BMERB1: variants seen among roughly 807,000 people sequenced by gnomAD.
BMERB1 encodes the protein bMERB domain containing 1.
A neutral mutation model predicts 23.6 loss-of-function variants in BMERB1; 12 were observed. The observed-to-expected ratio is 0.51, with a 90% CI of 0.33 to 0.82. BMERB1 has a LOEUF of 0.82. Ranked by LOEUF, BMERB1 falls within the 40% of genes least tolerant of loss-of-function variation. BMERB1 has a pLI of 0.03. For missense variants in BMERB1, 247 were observed against 255.4 expected, an observed-to-expected ratio of 0.97 and a Z score of 0.22; for synonymous variants, 122 against 96.6, an observed-to-expected ratio of 1.26 and a Z score of -1.54.
chr16:15,565,714 C>T (rs962061717), intron 2 of BMERB1, among the ~76,000 whole-genome samples: 1 of 152,100 alleles, frequency 6.6e-6, no homozygotes, highest in South Asian at 2.1e-4. Flanking sequence ...AAAGTATGAG[C>T]TGGGCATGAT....
intron 1 of BMERB1, among the ~76,000 whole-genome samples, chr16:15,440,612 C>G (rs1933203060): frequency 6.6e-6 from 1 of 151,862 alleles, no homozygotes; most frequent in African/African-American, 2.4e-5. Context: ...AATACATGTA[C>G]TTTATAAAAA....
At chr16:15,573,771 C>T (rs911756618) in intron 3 of BMERB1, among the ~76,000 whole-genome samples, 6 of 151,918 alleles carry the variant, frequency 3.9e-5, no homozygotes, top group African/African-American at 1.5e-4. Context: ...CAAGAACTGC[C>T]CAAGACTGGG....
chr16:15,551,722 AG>A (rs1313150827), intron 2 of BMERB1, among the ~76,000 whole-genome samples: 3 of 152,176 alleles, frequency 2.0e-5, no homozygotes, highest in Non-Finnish European at 4.4e-5. Context: ...AAAGGAAAGA[AG>A]TTTAATTGAC....
intron 2 of BMERB1, among the ~76,000 whole-genome samples, chr16:15,526,819 G>A (rs763587745): frequency 4.0e-4 from 60 of 150,708 alleles, no homozygotes; most frequent in Non-Finnish European, 8.0e-4. Context: ...ACACGGGGCC[G>A]TCTAAAAGTC....
intron 1 of BMERB1, among the ~76,000 whole-genome samples, chr16:15,461,923 C>A (rs1356824498): frequency 6.6e-6 from 1 of 151,782 alleles, no homozygotes; most frequent in African/African-American, 2.4e-5. Flanking sequence ...AACAGGAAGA[C>A]CCTGTTTCAC....
chr16:15,546,717 C>G (rs1298073834), intron 2 of BMERB1, among the ~76,000 whole-genome samples: 1 of 152,172 alleles, frequency 6.6e-6, no homozygotes, highest in African/African-American at 2.4e-5. Flanking sequence ...TCCTCTGAAG[C>G]CTCAGTAAAT....
intron 1 of BMERB1, among the ~76,000 whole-genome samples, chr16:15,455,826 A>G (rs989331857): frequency 6.6e-6 from 1 of 152,148 alleles, no homozygotes; most frequent in African/African-American, 2.4e-5. Context: ...AAAACAGTCT[A>G]CAGTAGCAAG....
chr16:15,503,320 TGCCCAGG>T (rs1203127081), intron 1 of BMERB1, among the ~76,000 whole-genome samples: 2 of 151,990 alleles, frequency 1.3e-5, no homozygotes, highest in Non-Finnish European at 2.9e-5. Flanking sequence ...CTCGCTCTGT[TGCCCAGG>T]CTGGAGTGCA....
At chr16:15,532,940 C>G (rs575487085) in intron 2 of BMERB1, 1 of 450,368 alleles carries the variant, frequency 2.2e-6, no homozygotes, top group African/African-American at 2.0e-5. Context: ...TTACTTGCTC[C>G]GGATTAAATT....
intron 1 of BMERB1, among the ~76,000 whole-genome samples, chr16:15,504,114 T>C (rs1365571580): frequency 6.6e-6 from 1 of 152,132 alleles, no homozygotes; most frequent in Non-Finnish European, 1.5e-5. Flanking sequence ...GAAACTGAGG[T>C]GCCCAGAGTC....
chr16:15,538,608 G>A (rs901881635), intron 2 of BMERB1, among the ~76,000 whole-genome samples: 4 of 152,148 alleles, frequency 2.6e-5, no homozygotes, highest in African/African-American at 9.7e-5. Context: ...AAATTCCAGC[G>A]GATCCTAGAA....
intron 2 of BMERB1, among the ~76,000 whole-genome samples, chr16:15,546,185 G>A (rs966274875): frequency 2.0e-5 from 3 of 152,174 alleles, no homozygotes; most frequent in Non-Finnish European, 4.4e-5. Context: ...CCACTCAGGA[G>A]GCTGAGGCAG....
intron 1 of BMERB1, among the ~76,000 whole-genome samples, chr16:15,440,664 G>A (rs896600960): frequency 2.0e-5 from 3 of 151,928 alleles, no homozygotes; most frequent in Admixed American, 6.6e-5. Flanking sequence ...AGTAAAAAAC[G>A]ACCATCATTT....
intron 1 of BMERB1, among the ~76,000 whole-genome samples, chr16:15,504,264 CTCT>C (rs1208624670): frequency 6.6e-6 from 1 of 152,090 alleles, no homozygotes; most frequent in Non-Finnish European, 1.5e-5. Flanking sequence ...TTTCTTTTCT[CTCT>C]TCTTAATTTT....
intron 1 of BMERB1, among the ~76,000 whole-genome samples, chr16:15,497,113 G>A (rs572417165): frequency 1.3e-5 from 2 of 152,182 alleles, no homozygotes; most frequent in Non-Finnish European, 2.9e-5. Flanking sequence ...CAGGGGATTC[G>A]TCTAGGTCCT....
intron 1 of BMERB1, among the ~76,000 whole-genome samples, chr16:15,449,958 C>T (rs1220044859): frequency 6.6e-6 from 1 of 151,072 alleles, no homozygotes; most frequent in Non-Finnish European, 1.5e-5. Context: ...CACTATGTTG[C>T]CCAGGCTGGT....
intron 1 of BMERB1, among the ~76,000 whole-genome samples, chr16:15,472,261 A>T (rs552352925): frequency 1.3e-5 from 2 of 152,346 alleles, no homozygotes; most frequent in South Asian, 4.1e-4. Context: ...CCCAACTTAA[A>T]TATCAATTAA....
At chr16:15,511,750 G>A (rs1486160127) in intron 1 of BMERB1, among the ~76,000 whole-genome samples, 1 of 151,996 alleles carries the variant, frequency 6.6e-6, no homozygotes, top group Non-Finnish European at 1.5e-5. Flanking sequence ...GGTGGCTCGC[G>A]CCTGTAATCC....
At chr16:15,497,274 A>C (rs1170213988) in intron 1 of BMERB1, among the ~76,000 whole-genome samples, 1 of 152,174 alleles carries the variant, frequency 6.6e-6, no homozygotes, top group African/African-American at 2.4e-5. Context: ...AGCAGGGAAG[A>C]GATGTAACAA....
Sources: gnomAD v4.1 joint callset for allele counts (sites outside exome capture counted in the v4.1 genomes callset) on GRCh38, gnomAD v4.1.1 for gene constraint, MANE v1.5 for transcripts, NCBI Gene and HGNC (gene_info 2026-07-23, HGNC 2026-07-21) for gene names.